Variants in RNF213 observed in about 807,000 individuals in gnomAD.
RNF213 encodes the protein E3 ubiquitin-protein ligase RNF213.
Under a neutral mutation model 514.4 loss-of-function variants are expected in RNF213, and 341 were observed. The observed-to-expected ratio is 0.66, with a 90% CI of 0.61 to 0.73. The LOEUF (loss-of-function observed/expected upper bound fraction) is 0.73, where lower values mean the gene tolerates loss of function less well. Ranked by LOEUF, RNF213 falls within the 30% of genes least tolerant of loss-of-function variation. The pLI, the probability that RNF213 is intolerant of heterozygous loss-of-function variation, is 0.00. For synonymous variants in RNF213, 2,655 were observed against 2,658.2 expected (o/e 1.00, Z 0.04); for missense variants, 5,767 against 6,615.6 (o/e 0.87, Z 4.45).
chr17:80,287,812 T>C lies in RNF213; in HGVS notation c.262-3T>C. 6.2e-7 allele frequency: 1 copy of C among 1,613,628 alleles called. No individual in the cohort carries two copies. Among genetic ancestry groups the C allele is most frequent in the Non-Finnish European group, 8.5e-7 (1 of 1,179,746 alleles). On this transcript the variant is annotated splice_region_variant and splice_polypyrimidine_tract_variant and intron_variant, in intron 3 of 67. Coordinates refer to ENST00000582970, the MANE Select transcript of RNF213 (RefSeq NM_001256071.3). Reference sequence around the variant, plus strand: ...TAAAGTGAGTGTCTCTCTTTCTGTTTAGAGCAAAAAGAAGAAAAGGAAGAA... The same window carrying C: ...TAAAGTGAGTGTCTCTCTTTCTGTTCAGAGCAAAAAGAAGAAAAGGAAGAA...
chr17:80,327,614 A>C (rs1388723326), intron 18 of RNF213, among the ~76,000 whole-genome samples: 2 of 152,002 alleles, frequency 1.3e-5, no homozygotes, highest in Non-Finnish European at 2.9e-5. Context: ...TGTTCAGGGG[A>C]TGAATCTGGG....
Position 80,394,204 on chromosome 17 carries a change from G to A in RNF213, c.*706G>A, listed in dbSNP as rs2080592705. The stretch of plus-strand genomic sequence containing the variant: ...TTGGTTTTCTCACGCATAAAATGGA[G>A]AGTGGATTAATCGCCAAAGATTCTT... On this transcript the variant is annotated 3_prime_UTR_variant, in exon 68 of 68. Transcript: ENST00000582970. 6.6e-6 allele frequency: 1 copy of A among 152,296 alleles called. No homozygotes were observed. The highest frequency in any genetic ancestry group is 6.5e-5 in the Admixed American group (1 of 15,284). The allele number at this position is 152,296 out of a possible 1,614,324, so 9.4% of individuals were successfully genotyped here. A position where few individuals can be genotyped will look rare whatever the true frequency, so the allele number is the denominator to read the frequency against.
Position 80,354,173 on chromosome 17 carries a change from G to A in RNF213, c.10726+7G>A. The A allele has an allele frequency of 6.2e-7, 1 of 1,613,054 alleles. No individual in the cohort carries two copies. Among genetic ancestry groups the A allele is most frequent in the Non-Finnish European group, 8.5e-7 (1 of 1,179,966 alleles). Reference sequence around the variant, plus strand: ...GAGGATGACGCGTGCCACGGTATGAGCCTCCCCACCCCTCTTGCCCCTGCC... The same window carrying A: ...GAGGATGACGCGTGCCACGGTATGAACCTCCCCACCCCTCTTGCCCCTGCC... On this transcript the variant is annotated splice_region_variant and intron_variant, in intron 35 of 67. Transcript: ENST00000582970.
chr17:80,383,151 T>A, intron 58 of RNF213, 81 bp downstream of exon 58: 1 of 999,118 alleles, frequency 1.0e-6, no homozygotes, highest in Non-Finnish European at 1.6e-6. Flanking sequence ...GCTCCTTGCC[T>A]GTTGCCCCTC....
intron 23 of RNF213, chr17:80,336,608 C>T: frequency 1.7e-6 from 1 of 575,038 alleles, no homozygotes; most frequent in Non-Finnish European, 3.2e-6. Flanking sequence ...GTGCAAAACA[C>T]ACGTGGAAAA....
At chr17:80,277,055 C>G in intron 3 of RNF213, among the ~76,000 whole-genome samples, 1 of 147,366 alleles carries the variant, frequency 6.8e-6, no homozygotes, top group South Asian at 2.1e-4. Context: ...GACTCACTCT[C>G]AAAACAAAGC....
intron 17 of RNF213, chr17:80,319,653 C>G (rs1430126723): frequency 2.0e-6 from 3 of 1,496,152 alleles, no homozygotes; most frequent in Admixed American, 2.1e-5. Context: ...ATTGTTAACA[C>G]TTGCTCAGTA....
chr17:80,291,002 T>A (rs1314028373), intron 7 of RNF213, among the ~76,000 whole-genome samples: 1 of 151,752 alleles, frequency 6.6e-6, no homozygotes, highest in Non-Finnish European at 1.5e-5. Flanking sequence ...AGAGACGGAG[T>A]TTCTACTAAA....
At chr17:80,389,752 T>G in intron 65 of RNF213, 76 bp from the exon 66 acceptor site, 11 of 1,230,956 alleles carry the variant, frequency 8.9e-6, no homozygotes, top group Non-Finnish European at 1.3e-5. Flanking sequence ...TGGAGAGCAC[T>G]CAGGCTCCCT....
intron 20 of RNF213, 68 bp from the exon 21 acceptor site, chr17:80,331,938 G>A: frequency 6.7e-7 from 1 of 1,483,904 alleles, no homozygotes; most frequent in Non-Finnish European, 8.9e-7. Flanking sequence ...GAAAGTCTTA[G>A]GAAAGTGAAA....
rs1272073497 is a variant in RNF213 at position 80,361,840 on chromosome 17, G to A, written c.11307G>A (p.Lys3769=). 1.2e-6 allele frequency: 2 copies of A among 1,613,950 alleles called. No homozygotes were observed. The highest frequency in any genetic ancestry group is 1.3e-5 in the African/African-American group (1 of 75,032). The change falls in exon 39 of 68, where the codon AAG becomes AAA. Residue 3769 remains lysine, a synonymous_variant. Transcript: ENST00000582970. ...PQQELLQCYL[K]DFILLTMRVS... ...AGGAACTTCTTCAGTGTTACTTGAA[G>A]GATTTCATTCTCTTGACCATGCGTG...
At position 80,287,799 on chromosome 17, in the gene RNF213, C is replaced by T. The variant is rs759477111; in HGVS notation, c.262-16C>T. The T allele has an allele frequency of 2.3e-5, 37 of 1,612,886 alleles. No individual in the cohort carries two copies. Among genetic ancestry groups the T allele is most frequent in the Non-Finnish European group, 2.9e-5 (34 of 1,179,236 alleles). On this transcript the variant is annotated splice_polypyrimidine_tract_variant and intron_variant, in intron 3 of 67. Coordinates refer to ENST00000582970, the MANE Select transcript of RNF213 (RefSeq NM_001256071.3). ...TAAATCTAAGAAATAAAGTGAGTGT[C>T]TCTCTTTCTGTTTAGAGCAAAAAGA... is the stretch of plus-strand genomic sequence containing the variant.
rs1707417267 is a variant in RNF213, at chr17:80,353,490, A to G, written c.10424-22A>G. 1 of 1,595,898 alleles carries G rather than the reference A, an allele frequency of 6.3e-7. No individual in the cohort carries two copies. The highest frequency in any genetic ancestry group is 1.3e-5 in the African/African-American group (1 of 74,774). Reference sequence around the variant, plus strand: ...GTGCCACCTTCTGAGTGGTAACGCAATCACGTTTGCTTCGACTGCAGTGGG... The same window carrying G: ...GTGCCACCTTCTGAGTGGTAACGCAGTCACGTTTGCTTCGACTGCAGTGGG... On this transcript the variant is annotated intron_variant, in intron 33 of 67. Coordinates refer to ENST00000582970, the MANE Select transcript of RNF213 (RefSeq NM_001256071.3). The surrounding 1 kb of genome is among the most constrained non-coding windows in gnomAD (Gnocchi z 5.0).
intron 2 of RNF213, among the ~76,000 whole-genome samples, chr17:80,265,040 G>GTTTTTTT (rs112658451): frequency 1.8e-4 from 24 of 133,738 alleles, no homozygotes; most frequent in African/African-American, 6.9e-4. Flanking sequence ...TTCCATGTTT[G>GTTTTTTT]TTTGTTTTTT....
intron 3 of RNF213, among the ~76,000 whole-genome samples, chr17:80,287,362 G>A (rs1047860855): frequency 3.3e-5 from 5 of 152,196 alleles, no homozygotes; most frequent in Non-Finnish European, 7.3e-5. Context: ...AATTAGCTGG[G>A]CGTAGTGATG....
rs2078292672 is a variant in RNF213 at position 80,345,870 on chromosome 17, T to C, written c.7535T>C (p.Leu2512Pro). Reference sequence around the variant, plus strand: ...GATCATATGGTGGATGGCCAGCCTCTGGCTGAGGACTCTGGCCTGCATATT... The same window carrying C: ...GATCATATGGTGGATGGCCAGCCTCCGGCTGAGGACTCTGGCCTGCATATT... ...LCDHMVDGQPLAEDSGLHIIA... is the reference protein window; with the variant it reads ...LCDHMVDGQPPAEDSGLHIIA... Residue 2512 changes from leucine (L) to proline (P), a missense_variant, in exon 29 of 68, where the codon CTG becomes CCG. Coordinates refer to ENST00000582970, the MANE Select transcript of RNF213 (RefSeq NM_001256071.3). This position sits in a 1 kb window ranked among gnomAD's most constrained non-coding sequence, Gnocchi z 6.0. 6.8e-6 allele frequency: 11 copies of C among 1,614,166 alleles called. No individual in the cohort carries two copies. Among genetic ancestry groups the C allele is most frequent in the Non-Finnish European group, 8.5e-6 (10 of 1,180,040 alleles).
At chr17:80,334,641 T>G (rs1372657628) in intron 22 of RNF213, among the ~76,000 whole-genome samples, 6 of 152,116 alleles carry the variant, frequency 3.9e-5, no homozygotes, top group South Asian at 2.1e-4. Flanking sequence ...TTGTTTGTTT[T>G]TTTGAGACAG....
intron 8 of RNF213, among the ~76,000 whole-genome samples, chr17:80,292,963 A>G (rs1417872134): frequency 2.6e-5 from 4 of 152,184 alleles, no homozygotes; most frequent in Non-Finnish European, 5.9e-5. Flanking sequence ...CAGATACAGA[A>G]GAATGTAAAT....
chr17:80,297,650 G>A (rs1028586093), intron 10 of RNF213, among the ~76,000 whole-genome samples: 1 of 151,246 alleles, frequency 6.6e-6, no homozygotes, highest in African/African-American at 2.4e-5. Context: ...AGCCAGGCAT[G>A]GTGGCGGGCA....
Sources: allele counts gnomAD v4.1 joint callset (sites outside exome capture counted in the v4.1 genomes callset), GRCh38; gene constraint gnomAD v4.1.1; non-coding constraint Gnocchi (gnomAD v3.1); transcripts MANE v1.5; gene names NCBI Gene and HGNC (gene_info 2026-07-23, HGNC 2026-07-21).